ZNF230: variants seen among roughly 807,000 people sequenced by gnomAD.
The protein encoded by ZNF230 is zinc finger protein 230, also known as zinc finger protein FDZF2.
In ZNF230, 12 loss-of-function variants were observed where a neutral mutation model predicts 10.0. That is an observed-to-expected ratio of 1.20 (90% CI 0.77 to 1.95). ZNF230 has a LOEUF of 1.95. Among genes scored for constraint, ZNF230 ranks in the 30% most tolerant of loss-of-function variants. The probability of loss-of-function intolerance (pLI) is 0.00; values close to 1 mark genes in which losing one functional copy is unlikely to be tolerated. For missense variants in ZNF230, 532 were observed against 565.8 expected (o/e 0.94, Z 0.61); for synonymous variants, 174 against 193.6 (o/e 0.90, Z 0.84).
At chr19:44,006,958 C>A (rs1475974317) in intron 1 of ZNF230, 53 bp from the exon 2 acceptor site, 3 of 790,904 alleles carry the variant, frequency 3.8e-6, no homozygotes, top group Non-Finnish European at 6.4e-6. Context: ...TGCTACACAG[C>A]CTCCCCAGCC....
chr19:44,007,698 C>G lies in ZNF230; in HGVS notation c.15+605C>G, dbSNP rs79873995. Among the ~76,000 whole-genome samples, 850 of 152,294 alleles carry G rather than the reference C, an allele frequency of 5.6e-3. 5 individuals carry two copies. The highest frequency in any genetic ancestry group is 0.018 in the African/African-American group (763 of 41,566). ...CCGTATTCTGTCCTTCTGTCTCAAT[C>G]CATGCAGCCAGCTCACATCTGTGGA... On this transcript the variant is annotated intron_variant, in intron 2 of 4. Transcript: ENST00000429154.
chr19:44,007,390 T>C (rs1435245378), intron 2 of ZNF230, among the ~76,000 whole-genome samples: 1 of 152,232 alleles, frequency 6.6e-6, no homozygotes, highest in Non-Finnish European at 1.5e-5. Flanking sequence ...TGCTGTTCCT[T>C]GTACATTCAT....
intron 1 of ZNF230, among the ~76,000 whole-genome samples, chr19:44,005,408 A>G (rs538681775): frequency 6.6e-6 from 1 of 152,290 alleles, no homozygotes; most frequent in East Asian, 1.9e-4. Context: ...AAGGGATGGT[A>G]TAGGGTTTCA....
intron 2 of ZNF230, among the ~76,000 whole-genome samples, chr19:44,008,535 C>A (rs1976142484): frequency 6.6e-6 from 1 of 152,130 alleles, no homozygotes; most frequent in South Asian, 2.1e-4. Flanking sequence ...ATAGGTGTAG[C>A]CCAGGATGCA....
In ZNF230 at chr19:44,012,647, G is replaced by A. The variant is rs1459184712; in HGVS notation, c.*1183G>A. On this transcript the variant is annotated 3_prime_UTR_variant, in exon 5 of 5. Coordinates refer to ENST00000429154, the MANE Select transcript of ZNF230 (RefSeq NM_006300.4). ...GTGACCACTAGAATGTCAACTACAG[G>A]TACCTTGTTTTCTGCATCCTCAGGA... is the stretch of plus-strand genomic sequence containing the variant. 2.8e-6 allele frequency: 1 copy of A among 354,718 alleles called. No homozygotes were observed. The highest frequency in any genetic ancestry group is 5.5e-6 in the Non-Finnish European group (1 of 180,794). 22.0% of individuals were successfully genotyped at this position (354,718 alleles called of 1,614,324 possible). A position where few individuals can be genotyped will look rare whatever the true frequency, so the allele number is the denominator to read the frequency against.
rs1358222371 is a variant in ZNF230 at position 44,010,542 on chromosome 19, A to G, written c.503A>G (p.His168Arg). The change falls in exon 5 of 5, where the codon CAT becomes CGT. Residue 168 changes from histidine (H) to arginine (R), a missense_variant. Transcript: ENST00000429154. ...PQQFHSGEKS[H>R]TCNECGKSFC... The stretch of plus-strand genomic sequence containing the variant: ...CAGTTCCACTCAGGAGAGAAGTCTC[A>G]TACATGCAATGAGTGTGGAAAAAGC... 1 of 1,614,256 alleles carries G rather than the reference A, an allele frequency of 6.2e-7. No homozygotes were observed. The highest frequency in any genetic ancestry group is 1.7e-5 in the Admixed American group (1 of 60,022).
intron 3 of ZNF230, 63 bp downstream of exon 3, chr19:44,008,979 T>C: frequency 6.2e-7 from 1 of 1,604,766 alleles, no homozygotes; most frequent in Non-Finnish European, 8.5e-7. Flanking sequence ...TATCCTAGAG[T>C]ATTCAAGTTT....
rs1362225326 is a variant in ZNF230 at position 44,010,851 on chromosome 19, A to G, written c.812A>G (p.Gln271Arg). ...FIHDFQLQKH[Q>R]IIHTGEKPFK... ...CACGATTTCCAGCTTCAGAAACATC[A>G]GATAATTCATACTGGGGAGAAGCCG... Residue 271 changes from glutamine (Q) to arginine (R), a missense_variant, in exon 5 of 5, where the codon CAG (glutamine) becomes CGG (arginine). Coordinates refer to ENST00000429154, the MANE Select transcript of ZNF230 (RefSeq NM_006300.4). 1 of 1,614,250 alleles carries G rather than the reference A, an allele frequency of 6.2e-7. No homozygotes were observed. Among genetic ancestry groups the G allele is most frequent in the Non-Finnish European group, 8.5e-7 (1 of 1,180,038 alleles).
rs150118522 is a variant in ZNF230 at position 44,008,485 on chromosome 19, G to A, written c.16-305G>A. Reference sequence around the variant, plus strand: ...TGAGACTGAATTGCTCATTGTTGCTGGGGCAACTGGGGCAATTGGCAAAAT... The same window carrying A: ...TGAGACTGAATTGCTCATTGTTGCTAGGGCAACTGGGGCAATTGGCAAAAT... On this transcript the variant is annotated intron_variant, in intron 2 of 4. Transcript: ENST00000429154. Among the ~76,000 whole-genome samples the A allele has an allele frequency of 3.2e-3, 485 of 152,312 alleles. 3 individuals carry two copies. Among genetic ancestry groups the A allele is most frequent in the African/African-American group, 0.011 (448 of 41,564 alleles).
intron 4 of ZNF230, 86 bp downstream of exon 4, chr19:44,009,256 G>A (rs950965102): frequency 6.8e-5 from 97 of 1,418,526 alleles, no homozygotes; most frequent in South Asian, 5.7e-4. Context: ...ATATCACCCT[G>A]ATCTAAATTG....
At chr19:44,004,059 T>C (rs989916563) in intron 1 of ZNF230, 2 of 152,232 alleles carry the variant, frequency 1.3e-5, no homozygotes, top group African/African-American at 2.4e-5. Flanking sequence ...AGGAACTAGC[T>C]GGACTCGTAG....
At position 44,011,429 on chromosome 19, in the gene ZNF230, G is replaced by C. The variant is rs369515636; in HGVS notation, c.1390G>C (p.Asp464His). The C allele has an allele frequency of 1.9e-6, 3 of 1,597,228 alleles. No homozygotes were observed. The highest frequency in any genetic ancestry group is 2.6e-6 in the Non-Finnish European group (3 of 1,174,396). ...GCGCTACAAGAGGCGCTTGAATCTG[G>C]ATATAATTTTATCATTATTTTTAAA... ...GKRYKRRLNL[D>H]IILSLFLNDM Residue 464 changes from aspartate to histidine, a missense_variant, in exon 5 of 5, where the codon GAT becomes CAT. Asp to His is a moderately conservative substitution (Grantham distance 81). Coordinates refer to ENST00000429154, the MANE Select transcript of ZNF230 (RefSeq NM_006300.4).
At position 44,010,992 on chromosome 19, in the gene ZNF230, C is replaced by A. The variant is rs777255240; in HGVS notation, c.953C>A (p.Thr318Asn). The A allele has an allele frequency of 6.2e-7, 1 of 1,614,164 alleles. No homozygotes were observed. Among genetic ancestry groups the A allele is most frequent in the South Asian group, 1.1e-5 (1 of 91,086 alleles). Reference sequence around the variant, plus strand: ...TCTGAGGAGTGTGGAAAAGGCTTCACTGATAGCCTAGATTTGCATAAGCAT... The same window carrying A: ...TCTGAGGAGTGTGGAAAAGGCTTCAATGATAGCCTAGATTTGCATAAGCAT... ...YKSEECGKGF[T>N]DSLDLHKHQI... The change falls in exon 5 of 5, where the codon ACT becomes AAT. Residue 318 changes from threonine (T) to asparagine (N), a missense_variant. By Grantham distance (65) the Thr-to-Asn change is moderately conservative (BLOSUM62 0). Coordinates refer to ENST00000429154, the MANE Select transcript of ZNF230 (RefSeq NM_006300.4).
intron 1 of ZNF230, among the ~76,000 whole-genome samples, chr19:44,005,942 C>T (rs1191714466): frequency 6.6e-6 from 1 of 152,166 alleles, no homozygotes; most frequent in African/African-American, 2.4e-5. Context: ...CACCCTTCAC[C>T]TGCAATGCCA....
Position 44,011,609 on chromosome 19 carries a change from T to C in ZNF230, c.*145T>C. The C allele has an allele frequency of 2.2e-6, 2 of 890,432 alleles. No homozygotes were observed. Among genetic ancestry groups the C allele is most frequent in the South Asian group, 1.9e-5 (1 of 53,802 alleles). The allele number at this position is 890,432 out of a possible 1,614,324, so 55.2% of individuals were successfully genotyped here. A position where few individuals can be genotyped will look rare whatever the true frequency, so the allele number is the denominator to read the frequency against. ...ATTCAAAATCCATTGTTCTAGCGAT[T>C]TGAAAAGAAACAATAAATTATTGTT... is the stretch of plus-strand genomic sequence containing the variant. On this transcript the variant is annotated 3_prime_UTR_variant, in exon 5 of 5. Transcript: ENST00000429154.
Position 44,010,424 on chromosome 19 carries a change from G to T in ZNF230, c.385G>T (p.Gly129Ter), listed in dbSNP as rs1462624619. The T allele has an allele frequency of 3.1e-6, 5 of 1,614,204 alleles. No homozygotes were observed. Among genetic ancestry groups the T allele is most frequent in the Non-Finnish European group, 4.2e-6 (5 of 1,180,032 alleles). The change falls in exon 5 of 5, where the codon GGA becomes TGA. Residue 129 changes from glycine to a stop codon, truncating the protein, a stop_gained. Transcript: ENST00000429154. LOFTEE classifies it low-confidence loss of function (END_TRUNC). ...TGATGTCCCCTCCCAGGTTGAGGCA[G>T]GACTATCTATAATTCATACAGGACA... ...QGDVPSQVEAGLSIIHTGQKP... is the reference protein window; with the variant it reads ...QGDVPSQVEA
intron 1 of ZNF230, chr19:44,003,780 A>T (rs1055590271): frequency 5.3e-6 from 1 of 188,360 alleles, no homozygotes; most frequent in Non-Finnish European, 1.2e-5. Context: ...CTTTATAGAG[A>T]TGTTCACCCA....
chr19:44,010,433 A>T lies in ZNF230; in HGVS notation c.394A>T (p.Ile132Leu), dbSNP rs775554812. 6.2e-7 allele frequency: 1 copy of T among 1,614,244 alleles called. No individual in the cohort carries two copies. The stretch of plus-strand genomic sequence containing the variant: ...CTCCCAGGTTGAGGCAGGACTATCT[A>T]TAATTCATACAGGACAGAAACCTTC... The part of the protein sequence containing the change: ...VPSQVEAGLS[I>L]IHTGQKPSQN... Residue 132 changes from isoleucine to leucine, a missense_variant, in exon 5 of 5, where the codon ATA becomes TTA. Physicochemically the swap from Ile to Leu is conservative, Grantham distance 5. Coordinates refer to ENST00000429154, the MANE Select transcript of ZNF230 (RefSeq NM_006300.4).
At chr19:44,006,575 G>A (rs1423615700) in intron 1 of ZNF230, 3 of 152,390 alleles carry the variant, frequency 2.0e-5, no homozygotes, top group African/African-American at 7.2e-5. Flanking sequence ...ATTCAGTTTA[G>A]TTATTTTTCA....
Sources: allele counts gnomAD v4.1 joint callset (sites outside exome capture counted in the v4.1 genomes callset), GRCh38; gene constraint gnomAD v4.1.1; transcripts MANE v1.5; gene names NCBI Gene and HGNC (gene_info 2026-07-23, HGNC 2026-07-21).